The following CNTN2 variants were observed in gnomAD, a reference collection of about 807,000 sequenced individuals.
CNTN2 encodes the protein contactin-2.
In CNTN2, 53 loss-of-function variants were observed where a neutral mutation model predicts 117.5. The ratio of observed to expected loss-of-function variants is 0.45; its 90% CI spans 0.36 to 0.57. CNTN2 has a LOEUF of 0.57. CNTN2 is among the 20% of genes least tolerant of loss of function. The pLI is 0.00. For missense variants in CNTN2, 1,106 were observed against 1,404.3 expected (o/e 0.79, Z 3.39); for synonymous variants, 530 against 561.7 (o/e 0.94, Z 0.80).
Position 205,065,991 on chromosome 1 carries a change from C to T in CNTN2, c.1816+82C>T. ...GTTCTGACCTGCTCGCCTCATCTCCCCTCCCTTCCCTCAAAGCTGCGGGGA... is the reference window on the plus strand; with the variant it reads ...GTTCTGACCTGCTCGCCTCATCTCCTCTCCCTTCCCTCAAAGCTGCGGGGA... On this transcript the variant is annotated intron_variant, in intron 14 of 22. Transcript: ENST00000331830. This position sits in a 1 kb window ranked among gnomAD's most constrained non-coding sequence, Gnocchi z 4.1. 6.7e-7 allele frequency: 1 copy of T among 1,484,010 alleles called. No individual in the cohort carries two copies. Among genetic ancestry groups the T allele is most frequent in the Non-Finnish European group, 9.0e-7 (1 of 1,106,902 alleles). 91.9% of individuals were successfully genotyped at this position (1,484,010 alleles called of 1,614,324 possible).
intron 1 of CNTN2, among the ~76,000 whole-genome samples, chr1:205,045,221 C>T (rs912184488): frequency 1.8e-4 from 27 of 152,278 alleles, no homozygotes; most frequent in Admixed American, 1.5e-3. Context: ...TCCTCCCTTC[C>T]TCTACTCCTT....
intron 9 of CNTN2, 195 bp downstream of exon 9, chr1:205,062,196 C>A (rs1654025371): frequency 3.6e-6 from 3 of 842,424 alleles, no homozygotes; most frequent in Non-Finnish European, 5.3e-6. Context: ...TGGATCCAGG[C>A]ACAGTTCAGC....
intron 1 of CNTN2, among the ~76,000 whole-genome samples, chr1:205,043,704 C>T (rs1413635828): frequency 6.6e-6 from 1 of 152,166 alleles, no homozygotes; most frequent in East Asian, 1.9e-4. Flanking sequence ...TGGCAGCTGC[C>T]TGTGGAGAGG....
In CNTN2 at chr1:205,072,417, A is replaced by G; in HGVS notation, c.2732-66A>G. ...CAAACATCCAGAGAAGGGCTGGTTA[A>G]AGGTGAGGGGGTGCGGGGTGCCAGG... On this transcript the variant is annotated intron_variant, in intron 20 of 22. Coordinates refer to ENST00000331830, the MANE Select transcript of CNTN2 (RefSeq NM_005076.5). The G allele has an allele frequency of 2.2e-6, 3 of 1,353,676 alleles. No homozygotes were observed. The South Asian group carries it at 3.5e-5, about 16-fold the overall frequency. 83.9% of individuals were successfully genotyped at this position (1,353,676 alleles called of 1,614,324 possible). A position where few individuals can be genotyped will look rare whatever the true frequency, so the allele number is the denominator to read the frequency against.
chr1:205,071,175 G>T (rs1173726095), intron 19 of CNTN2, among the ~76,000 whole-genome samples: 1 of 152,168 alleles, frequency 6.6e-6, no homozygotes, highest in African/African-American at 2.4e-5. Context: ...AGGCTGGCCT[G>T]TCCAGGGCTG....
At chr1:205,072,193 G>T in intron 20 of CNTN2, 60 bp downstream of exon 20, 1 of 1,472,740 alleles carries the variant, frequency 6.8e-7, no homozygotes, top group Non-Finnish European at 9.2e-7. Flanking sequence ...GTGCCTCTGA[G>T]ATCATTCCTT....
Position 205,057,924 on chromosome 1 carries a change from G to A in CNTN2, c.74G>A (p.Trp25Ter). 6.2e-7 allele frequency: 1 copy of A among 1,613,486 alleles called. No homozygotes were observed. Among genetic ancestry groups the A allele is most frequent in the Non-Finnish European group, 8.5e-7 (1 of 1,179,618 alleles). The change falls in exon 3 of 23, where the codon TGG becomes TAG. Residue 25 changes from tryptophan to a stop codon, truncating the protein, a stop_gained. Transcript: ENST00000331830. LOFTEE classifies it high-confidence loss of function. ...AAVALVSSSA[W>*]SSALGSQTTF... Reference sequence around the variant, plus strand: ...CTGGTGGTGTCATCACCTGCAGCTTGGAGTTCAGCCCTGGGATCCCAAACC... The same window carrying A: ...CTGGTGGTGTCATCACCTGCAGCTTAGAGTTCAGCCCTGGGATCCCAAACC...
At chr1:205,053,849 A>G (rs4951162) in intron 2 of CNTN2, among the ~76,000 whole-genome samples, 57,993 of 152,180 alleles carry the variant, frequency 0.38, 12,451 homozygotes, top group East Asian at 0.92. Flanking sequence ...CAAATGGACC[A>G]AGCATAGAAC....
Position 205,065,176 on chromosome 1 carries a change from A to G in CNTN2, c.1609A>G (p.Thr537Ala), listed in dbSNP as rs1654212331. 4 of 1,613,868 alleles carry G rather than the reference A, an allele frequency of 2.5e-6. No homozygotes were observed. In the African/African-American group the frequency reaches 4.0e-5, roughly 16 times the overall value. Residue 537 changes from threonine to alanine, a missense_variant, in exon 13 of 23, where the codon ACC becomes GCC. Coordinates refer to ENST00000331830, the MANE Select transcript of CNTN2 (RefSeq NM_005076.5). The surrounding 1 kb of genome is among the most constrained non-coding windows in gnomAD (Gnocchi z 4.1). ...TLQCHASHDPTMDLTFTWTLD... is the reference protein window; with the variant it reads ...TLQCHASHDPAMDLTFTWTLD... ...ACAGTGCCATGCCTCCCACGACCCC[A>G]CCATGGACCTCACCTTCACCTGGAC...
rs371114871 is a variant in CNTN2 at position 205,076,275 on chromosome 1, G to A, written c.*2510G>A. The A allele has an allele frequency of 6.6e-6, 1 of 152,186 alleles. No individual in the cohort carries two copies. Among genetic ancestry groups the A allele is most frequent in the Non-Finnish European group, 1.5e-5 (1 of 68,036 alleles). 9.4% of individuals were successfully genotyped at this position (152,186 alleles called of 1,614,324 possible). ...ATGTTCCTGCAGCCTGAGATTTCAG[G>A]TAGAGTACTGACTAAGGTTTAATAA... On this transcript the variant is annotated 3_prime_UTR_variant, in exon 23 of 23. Transcript: ENST00000331830.
chr1:205,068,968 T>C (rs1029670051), intron 16 of CNTN2: 3 of 152,366 alleles, frequency 2.0e-5, no homozygotes, highest in African/African-American at 7.2e-5. Context: ...AAAAGAAAAA[T>C]AGATAATATA....
chr1:205,074,662 G>C lies in CNTN2; in HGVS notation c.*897G>C. 1 of 399,140 alleles carries C rather than the reference G, an allele frequency of 2.5e-6. No homozygotes were observed. Among genetic ancestry groups the C allele is most frequent in the Non-Finnish European group, 4.4e-6 (1 of 226,194 alleles). 24.7% of individuals were successfully genotyped at this position (399,140 alleles called of 1,614,324 possible). A position where few individuals can be genotyped will look rare whatever the true frequency, so the allele number is the denominator to read the frequency against. On this transcript the variant is annotated 3_prime_UTR_variant, in exon 23 of 23. Coordinates refer to ENST00000331830, the MANE Select transcript of CNTN2 (RefSeq NM_005076.5). ...TCCCTCCAGGGTTTGGGCAGGAGAT[G>C]GCCAATCATGCGCCCACCTCTCCAG...
intron 2 of CNTN2, among the ~76,000 whole-genome samples, chr1:205,055,733 C>A (rs1198048466): frequency 6.6e-6 from 1 of 152,194 alleles, no homozygotes; most frequent in East Asian, 1.9e-4. Context: ...CAGATCCGCT[C>A]CTTCTCGCTG....
At chr1:205,068,206 T>C (rs1574657272) in intron 16 of CNTN2, 1 of 152,294 alleles carries the variant, frequency 6.6e-6, no homozygotes, top group East Asian at 1.9e-4. Flanking sequence ...GAGAGGCTCC[T>C]GCCCATCTCC....
At chr1:205,066,364 A>C in intron 14 of CNTN2, 77 bp from the exon 15 acceptor site, 1 of 1,545,776 alleles carries the variant, frequency 6.5e-7, no homozygotes. Flanking sequence ...TACCAGCTCA[A>C]GCCTGGCTGG....
At chr1:205,057,244 T>G (rs989936496) in intron 2 of CNTN2, 5 of 152,210 alleles carry the variant, frequency 3.3e-5, no homozygotes, top group African/African-American at 1.2e-4. Flanking sequence ...TCTATAACTT[T>G]CCCAAGGTCC....
intron 17 of CNTN2, 73 bp downstream of exon 17, chr1:205,069,634 C>G (rs1654481642): frequency 1.3e-6 from 2 of 1,519,042 alleles, no homozygotes; most frequent in African/African-American, 1.4e-5. Context: ...GCAGAAAGGA[C>G]CACTGCACAG....
At chr1:205,044,906 C>T (rs1301753472) in intron 1 of CNTN2, among the ~76,000 whole-genome samples, 1 of 152,188 alleles carries the variant, frequency 6.6e-6, no homozygotes, top group Non-Finnish European at 1.5e-5. Flanking sequence ...AGGGTGCCCA[C>T]CAGTTAACCC....
At chr1:205,051,882 G>A (rs577527037) in intron 1 of CNTN2, among the ~76,000 whole-genome samples, 1 of 152,222 alleles carries the variant, frequency 6.6e-6, no homozygotes, top group Non-Finnish European at 1.5e-5. Context: ...GCACAGGCCT[G>A]AGAGGCAATC....
Sources: allele counts gnomAD v4.1 joint callset (sites outside exome capture counted in the v4.1 genomes callset), GRCh38; gene constraint gnomAD v4.1.1; non-coding constraint Gnocchi (gnomAD v3.1); transcripts MANE v1.5; gene names NCBI Gene and HGNC (gene_info 2026-07-23, HGNC 2026-07-21).